Variants in SESN3 observed in about 807,000 individuals in gnomAD.
SESN3 encodes the protein sestrin-3.
Under a neutral mutation model 55.3 loss-of-function variants are expected in SESN3, and 21 were observed. That is an observed-to-expected ratio of 0.38 (90% CI 0.27 to 0.55). The LOEUF is 0.55. Ranked by LOEUF, SESN3 falls within the 20% of genes least tolerant of loss-of-function variation. The pLI, the probability that SESN3 is intolerant of heterozygous loss-of-function variation, is 0.76. For missense variants in SESN3, 408 were observed against 604.3 expected, an observed-to-expected ratio of 0.68 and a Z score of 3.41; for synonymous variants, 181 against 203.1, an observed-to-expected ratio of 0.89 and a Z score of 0.93.
intron 1 of SESN3, among the ~76,000 whole-genome samples, chr11:95,195,543 A>G (rs1451907405): frequency 1.3e-5 from 2 of 152,206 alleles, no homozygotes; most frequent in East Asian, 1.9e-4. Context: ...GGCGTATGAC[A>G]TATACCATCG....
At position 95,167,096 on chromosome 11, in the gene SESN3, G is replaced by T. The variant is rs1226502733; in HGVS notation, c.*6159C>A. On this transcript the variant is annotated 3_prime_UTR_variant, in exon 10 of 10. Transcript: ENST00000536441. ...GGGGAGCCAGTTGAAAATGTGTAAA[G>T]ATATTAATTTAAGAAAGAGATGTAT... The T allele has an allele frequency of 6.6e-6, 1 of 152,090 alleles. No individual in the cohort carries two copies. Among genetic ancestry groups the T allele is most frequent in the Non-Finnish European group, 1.5e-5 (1 of 68,010 alleles). The allele number at this position is 152,090 out of a possible 1,614,324, so 9.4% of individuals were successfully genotyped here.
chr11:95,181,181 T>C (rs867435093), intron 6 of SESN3, among the ~76,000 whole-genome samples: 2 of 152,084 alleles, frequency 1.3e-5, no homozygotes, highest in African/African-American at 2.4e-5. Context: ...GACTATTACA[T>C]AGTTGGTTCT....
rs1025701026 is a variant in SESN3, at chr11:95,173,020, T to C, written c.*235A>G. On this transcript the variant is annotated 3_prime_UTR_variant, in exon 10 of 10. Coordinates refer to ENST00000536441, the MANE Select transcript of SESN3 (RefSeq NM_144665.4). ...TATCCAAAACTCCAACTACAAACAA[T>C]GCAAAGTAGTGCTCCTCAGTATTAT... The C allele has an allele frequency of 2.7e-5, 11 of 410,618 alleles. No individual in the cohort carries two copies. The highest frequency in any genetic ancestry group is 2.0e-4 in the African/African-American group (10 of 50,418). 25.4% of individuals were successfully genotyped at this position (410,618 alleles called of 1,614,324 possible). A position where few individuals can be genotyped will look rare whatever the true frequency, so the allele number is the denominator to read the frequency against.
intron 1 of SESN3, among the ~76,000 whole-genome samples, chr11:95,223,383 C>T (rs1860893891): frequency 6.6e-6 from 1 of 152,202 alleles, no homozygotes; most frequent in African/African-American, 2.4e-5. Flanking sequence ...GTCCTTCTTT[C>T]CCTTGTAGCC....
In SESN3 at chr11:95,197,434, C is replaced by T. The variant is rs187196990; in HGVS notation, c.79-3912G>A. ...GGGCAACTCTCTTCTTTTTGGGCTTCCTTTTCTTTTCTTTTTTTTTTTTTT... is the reference window on the plus strand; with the variant it reads ...GGGCAACTCTCTTCTTTTTGGGCTTTCTTTTCTTTTCTTTTTTTTTTTTTT... On this transcript the variant is annotated intron_variant, in intron 1 of 9. Transcript: ENST00000536441. 2.9e-3 allele frequency among the ~76,000 whole-genome samples: 431 copies of T among 148,216 alleles called. 4 individuals carry two copies. The highest frequency in any genetic ancestry group is 9.8e-3 in the African/African-American group (399 of 40,678).
rs1859814077 is a variant in SESN3 at position 95,169,701 on chromosome 11, G to A, written c.*3554C>T. 1 of 151,954 alleles carries A rather than the reference G, an allele frequency of 6.6e-6. No individual in the cohort carries two copies. Among genetic ancestry groups the A allele is most frequent in the South Asian group, 2.1e-4 (1 of 4,832 alleles). 9.4% of individuals were successfully genotyped at this position (151,954 alleles called of 1,614,324 possible). A position where few individuals can be genotyped will look rare whatever the true frequency, so the allele number is the denominator to read the frequency against. On this transcript the variant is annotated 3_prime_UTR_variant, in exon 10 of 10. Transcript: ENST00000536441. ...GCACCCTCCCTCCACTAAAAATGGT[G>A]TACTATTTTAAGTACAGATCTTTAA...
At chr11:95,215,108 G>T (rs931479973) in intron 1 of SESN3, among the ~76,000 whole-genome samples, 8 of 152,110 alleles carry the variant, frequency 5.3e-5, no homozygotes, top group African/African-American at 1.9e-4. Flanking sequence ...TGAAGTGGAT[G>T]TAAACAATTT....
chr11:95,217,105 C>CAA (rs61672704), intron 1 of SESN3, among the ~76,000 whole-genome samples: 3 of 106,624 alleles, frequency 2.8e-5, no homozygotes, highest in Admixed American at 2.0e-4. Context: ...GACTCTGTCT[C>CAA]AAAAAAAAAA....
At chr11:95,217,105 CAAAA>C (rs61672704) in intron 1 of SESN3, among the ~76,000 whole-genome samples, 1 of 106,624 alleles carries the variant, frequency 9.4e-6, no homozygotes. Context: ...GACTCTGTCT[CAAAA>C]AAAAAAAAAA....
At chr11:95,188,228 C>T (rs968761528) in intron 4 of SESN3, among the ~76,000 whole-genome samples, 2 of 151,532 alleles carry the variant, frequency 1.3e-5, no homozygotes, top group African/African-American at 4.8e-5. Flanking sequence ...TGGGAAAGGT[C>T]CAACCCCAGA....
Position 95,166,497 on chromosome 11 carries a change from T to G in SESN3, c.*6758A>C, listed in dbSNP as rs992994639. Reference sequence around the variant, plus strand: ...AAGAAGTTGGCAATCTGATTTCATGTGCAATTCAGCTACAGTCTTAATATA... The same window carrying G: ...AAGAAGTTGGCAATCTGATTTCATGGGCAATTCAGCTACAGTCTTAATATA... On this transcript the variant is annotated 3_prime_UTR_variant, in exon 10 of 10. Transcript: ENST00000536441. 1 of 152,254 alleles carries G rather than the reference T, an allele frequency of 6.6e-6. No individual in the cohort carries two copies. The highest frequency in any genetic ancestry group is 1.5e-5 in the Non-Finnish European group (1 of 68,038). 9.4% of individuals were successfully genotyped at this position (152,254 alleles called of 1,614,324 possible). A position where few individuals can be genotyped will look rare whatever the true frequency, so the allele number is the denominator to read the frequency against.
chr11:95,217,515 G>A (rs1591075856), intron 1 of SESN3, among the ~76,000 whole-genome samples: 1 of 151,960 alleles, frequency 6.6e-6, no homozygotes, highest in Admixed American at 6.6e-5. Flanking sequence ...AGCCGGGCAC[G>A]GTGGTGGGCA....
intron 4 of SESN3, among the ~76,000 whole-genome samples, chr11:95,187,663 T>C (rs565616158): frequency 6.3e-4 from 96 of 152,062 alleles, no homozygotes; most frequent in African/African-American, 2.2e-3. Context: ...TCTCTATTGC[T>C]GTATTCCATC....
chr11:95,198,569 G>A (rs1173039824), intron 1 of SESN3, among the ~76,000 whole-genome samples: 2 of 152,160 alleles, frequency 1.3e-5, no homozygotes, highest in Admixed American at 6.5e-5. Flanking sequence ...CAAAGATCTA[G>A]TGAATCTTAT....
At chr11:95,182,262 T>G (rs1286988966) in intron 6 of SESN3, 1 of 217,362 alleles carries the variant, frequency 4.6e-6, no homozygotes, top group Non-Finnish European at 9.5e-6. Context: ...ACACAGATAT[T>G]ACTAACTTTA....
chr11:95,221,043 C>G (rs1234201605), intron 1 of SESN3, among the ~76,000 whole-genome samples: 1 of 152,206 alleles, frequency 6.6e-6, no homozygotes, highest in Non-Finnish European at 1.5e-5. Context: ...TGGCTCGTGC[C>G]TTTAATCCTA....
At chr11:95,221,432 AT>A (rs1860857357) in intron 1 of SESN3, among the ~76,000 whole-genome samples, 1 of 152,220 alleles carries the variant, frequency 6.6e-6, no homozygotes. Context: ...GAAAAGACAA[AT>A]TTCATTTCTT....
At chr11:95,184,187 C>G (rs1860117430) in intron 6 of SESN3, 1 of 541,778 alleles carries the variant, frequency 1.8e-6, no homozygotes, top group Non-Finnish European at 3.3e-6. Flanking sequence ...ACATTTTATC[C>G]AGGATAGAGT....
In SESN3 at chr11:95,166,358, C is replaced by T. The variant is rs145886543; in HGVS notation, c.*6897G>A. 371 of 151,220 alleles carry T rather than the reference C, an allele frequency of 2.5e-3. 4 individuals are homozygous for T. The highest frequency in any genetic ancestry group is 8.3e-3 in the African/African-American group (342 of 41,284). The allele number at this position is 151,220 out of a possible 1,614,324, so 9.4% of individuals were successfully genotyped here. On this transcript the variant is annotated 3_prime_UTR_variant, in exon 10 of 10. Transcript: ENST00000536441. ...ACATTGAATAAAAAGTACCAAGAAA[C>T]GCAAATGATAATTCTGTATTAATAC...
Sources: gnomAD v4.1 joint callset for allele counts (sites outside exome capture counted in the v4.1 genomes callset) on GRCh38, gnomAD v4.1.1 for gene constraint, MANE v1.5 for transcripts, NCBI Gene and HGNC (gene_info 2026-07-23, HGNC 2026-07-21) for gene names.